Variants in PKD1L1 observed in about 807,000 individuals in gnomAD.
The protein encoded by PKD1L1 is polycystin-1-like protein 1.
Under a neutral mutation model 323.4 loss-of-function variants are expected in PKD1L1, and 236 were observed. The ratio of observed to expected loss-of-function variants is 0.73; its 90% CI spans 0.66 to 0.81. PKD1L1 has a LOEUF of 0.81. PKD1L1 is among the 40% of genes least tolerant of loss of function. The probability of loss-of-function intolerance (pLI) is 0.00; values close to 1 mark genes in which losing one functional copy is unlikely to be tolerated. For missense variants in PKD1L1, 3,320 were observed against 3,508.0 expected, an observed-to-expected ratio of 0.95 and a Z score of 1.35; for synonymous variants, 1,344 against 1,335.0, an observed-to-expected ratio of 1.01 and a Z score of -0.15.
intron 44 of PKD1L1, among the ~76,000 whole-genome samples, chr7:47,827,843 T>A (rs899919858): frequency 6.6e-6 from 1 of 152,220 alleles, no homozygotes; most frequent in Non-Finnish European, 1.5e-5. Context: ...AAAAATCATT[T>A]TAAAGTATAG....
intron 7 of PKD1L1, 110 bp from the exon 8 acceptor site, chr7:47,915,709 A>G: frequency 1.6e-6 from 1 of 628,650 alleles, no homozygotes; most frequent in Non-Finnish European, 2.6e-6. Context: ...AACTAATGAA[A>G]ATTTACCCAA....
upstream of PKD1L1, among the ~76,000 whole-genome samples, chr7:47,951,087 G>A (rs143420473): frequency 1.2e-4 from 19 of 152,300 alleles, no homozygotes; most frequent in Admixed American, 1.2e-3. Flanking sequence ...GGAAAACGTC[G>A]AGTTTTGAAA....
At chr7:47,909,849 A>G (rs1787280602) in intron 8 of PKD1L1, among the ~76,000 whole-genome samples, 1 of 152,212 alleles carries the variant, frequency 6.6e-6, no homozygotes, top group Admixed American at 6.5e-5. Flanking sequence ...GTAAAAGTCT[A>G]TCTCTGGGGA....
rs1456321011 is a variant in PKD1L1 at position 47,839,270 on chromosome 7, T to C, written c.5769+176A>G. Among the ~76,000 whole-genome samples the C allele has an allele frequency of 6.6e-6, 1 of 152,246 alleles. No homozygotes were observed. The highest frequency in any genetic ancestry group is 1.5e-5 in the Non-Finnish European group (1 of 68,044). ...GAAGGGTAATTAATCCATGCTTGGA[T>C]GGCCACTCAATGAATGTATCATTTA... On this transcript the variant is annotated intron_variant, in intron 36 of 56. Coordinates refer to ENST00000289672, the MANE Select transcript of PKD1L1 (RefSeq NM_138295.5). This position sits in a 1 kb window ranked among gnomAD's most constrained non-coding sequence, Gnocchi z 4.3.
Position 47,853,160 on chromosome 7 carries a change from C to A in PKD1L1, c.4927G>T (p.Val1643Leu). Reference protein sequence around the residue: ...KQIYFWDESIVQIYIPAASQK... With the variant: ...KQIYFWDESILQIYIPAASQK... ...GAAGCAGCAGGTATATAAATCTGCACAATTGACTCATCCCAGAAGTAGATC... is the reference window on the plus strand; with the variant it reads ...GAAGCAGCAGGTATATAAATCTGCAAAATTGACTCATCCCAGAAGTAGATC... The change falls in exon 31 of 57, where the codon GTG becomes TTG. Residue 1643 changes from valine (V) to leucine (L), a missense_variant. By Grantham distance (32) the Val-to-Leu change is conservative. Coordinates refer to ENST00000289672, the MANE Select transcript of PKD1L1 (RefSeq NM_138295.5). The A allele has an allele frequency of 6.2e-7, 1 of 1,613,712 alleles. No individual in the cohort carries two copies. Among genetic ancestry groups the A allele is most frequent in the Non-Finnish European group, 8.5e-7 (1 of 1,179,656 alleles).
At chr7:47,823,685 C>T (rs1464548664) in intron 45 of PKD1L1, among the ~76,000 whole-genome samples, 7 of 152,284 alleles carry the variant, frequency 4.6e-5, no homozygotes, top group African/African-American at 1.7e-4. Flanking sequence ...TGTTAATGAG[C>T]AATGCCCAGA....
At chr7:47,922,839 C>T (rs1787580266) in intron 7 of PKD1L1, among the ~76,000 whole-genome samples, 2 of 152,286 alleles carry the variant, frequency 1.3e-5, no homozygotes, top group South Asian at 2.1e-4. Flanking sequence ...GGGAGGTGTA[C>T]GCAACAGCTC....
chr7:47,832,142 C>A (rs1433646261), intron 41 of PKD1L1, among the ~76,000 whole-genome samples: 2 of 152,222 alleles, frequency 1.3e-5, no homozygotes, highest in Admixed American at 1.3e-4. Context: ...ATTAGGCAAA[C>A]CGAGGGACAC....
chr7:47,862,072 G>A (rs756485007), intron 26 of PKD1L1, among the ~76,000 whole-genome samples: 31 of 151,402 alleles, frequency 2.0e-4, no homozygotes, highest in Non-Finnish European at 3.5e-4. Flanking sequence ...GCGTGCACCT[G>A]TAATCCCAGC....
intron 45 of PKD1L1, among the ~76,000 whole-genome samples, chr7:47,823,341 G>A (rs1419939173): frequency 6.6e-6 from 1 of 151,964 alleles, no homozygotes; most frequent in African/African-American, 2.4e-5. Flanking sequence ...CGAGCATGTG[G>A]TTTTTCTTAT....
intron 6 of PKD1L1, among the ~76,000 whole-genome samples, chr7:47,930,536 G>A (rs887412420): frequency 9.7e-6 from 1 of 102,998 alleles, no homozygotes; most frequent in Non-Finnish European, 1.9e-5. Flanking sequence ...ACACACAGTC[G>A]GCCGGGTGCA....
At chr7:47,953,649 TCTTTC>T in the PKD1L1 span, among the ~76,000 whole-genome samples, 2 of 152,226 alleles carry the variant, frequency 1.3e-5, no homozygotes, top group Admixed American at 6.5e-5. Context: ...ACTGGGCATT[TCTTTC>T]TAGATTTAAG....
chr7:47,866,014 C>T (rs1348255869), intron 25 of PKD1L1, among the ~76,000 whole-genome samples: 3 of 152,154 alleles, frequency 2.0e-5, no homozygotes, highest in Admixed American at 1.3e-4. Flanking sequence ...TCTCTATTGA[C>T]AGTTATAAGA....
At chr7:47,818,232 G>C (rs760333532) in intron 46 of PKD1L1, 2 of 1,324,518 alleles carry the variant, frequency 1.5e-6, no homozygotes, top group South Asian at 1.2e-5. Context: ...TCACGCCAAA[G>C]GAAAGGAAGA....
chr7:47,936,982 A>C, intron 3 of PKD1L1, 24 bp from the exon 4 acceptor site: 5 of 1,548,466 alleles, frequency 3.2e-6, no homozygotes, highest in Middle Eastern at 1.7e-4. Flanking sequence ...TAATAAAATA[A>C]TGTGAGAGAG....
Position 47,811,988 on chromosome 7 carries a change from C to T in PKD1L1, c.7410G>A (p.Arg2470=). ...RASMWIDRST[R]AVSVHFTLYN... ...AGAGAGTGAAGTGCACAGACACAGC[C>T]CTGGTGCTGCGGTCAATCCACATGC... Residue 2470 remains arginine, a synonymous_variant, in exon 50 of 57, where the codon AGG becomes AGA. Coordinates refer to ENST00000289672, the MANE Select transcript of PKD1L1 (RefSeq NM_138295.5). 6.3e-7 allele frequency: 1 copy of T among 1,592,562 alleles called. No individual in the cohort carries two copies. Among genetic ancestry groups the T allele is most frequent in the Admixed American group, 1.8e-5 (1 of 56,728 alleles).
At chr7:47,881,813 A>G (rs1786559444) in intron 20 of PKD1L1, 96 bp downstream of exon 20, 1 of 1,195,312 alleles carries the variant, frequency 8.4e-7, no homozygotes, top group Admixed American at 2.5e-5. Context: ...CTAAATACTT[A>G]TCTAGTAAAA....
At chr7:47,803,370 G>C in intron 52 of PKD1L1, 26 bp from the exon 53 acceptor site, 2 of 1,612,104 alleles carry the variant, frequency 1.2e-6, no homozygotes, top group Non-Finnish European at 1.7e-6. Context: ...ATAACAGTCA[G>C]TGTGCCATGC....
intron 17 of PKD1L1, among the ~76,000 whole-genome samples, chr7:47,887,134 C>T (rs142870430): frequency 6.6e-6 from 1 of 152,200 alleles, no homozygotes; most frequent in African/African-American, 2.4e-5. Flanking sequence ...ATTTGGAATG[C>T]CTCTCTTGCC....
Sources: allele counts gnomAD v4.1 joint callset (sites outside exome capture counted in the v4.1 genomes callset), GRCh38; gene constraint gnomAD v4.1.1; non-coding constraint Gnocchi (gnomAD v3.1); transcripts MANE v1.5; gene names NCBI Gene and HGNC (gene_info 2026-07-23, HGNC 2026-07-21).